Variants in CCDC178 observed in about 807,000 individuals in gnomAD.
CCDC178 encodes the protein coiled-coil domain-containing protein 178.
A neutral mutation model predicts 117.4 loss-of-function variants in CCDC178; 126 were observed. The observed-to-expected ratio is 1.07, with a 90% confidence interval of 0.93 to 1.24. The LOEUF is 1.24. CCDC178 is among the 50% of genes most tolerant of loss of function. The pLI, the probability that CCDC178 is intolerant of heterozygous loss-of-function variation, is 0.00. For missense variants in CCDC178, 1,030 were observed against 986.9 expected, an observed-to-expected ratio of 1.04 and a Z score of -0.59; for synonymous variants, 283 against 313.4, an observed-to-expected ratio of 0.90 and a Z score of 1.02.
At chr18:32,972,293 T>C (rs2054943480) in intron 22 of CCDC178, among the ~76,000 whole-genome samples, 1 of 152,138 alleles carries the variant, frequency 6.6e-6, no homozygotes, top group Non-Finnish European at 1.5e-5. Context: ...CCCCATTGCT[T>C]GTTTTTCTGA....
At chr18:33,281,298 A>C (rs969614448) in intron 12 of CCDC178, among the ~76,000 whole-genome samples, 3 of 151,984 alleles carry the variant, frequency 2.0e-5, no homozygotes, top group African/African-American at 2.4e-5. Flanking sequence ...TCCAAAATCT[A>C]TCTCTTTTAC....
At chr18:33,281,813 T>C (rs2060029209) in intron 12 of CCDC178, among the ~76,000 whole-genome samples, 1 of 152,256 alleles carries the variant, frequency 6.6e-6, no homozygotes, top group African/African-American at 2.4e-5. Flanking sequence ...AATACCATTT[T>C]GCTTAAAATG....
chr18:33,250,568 AAAC>A (rs1385894403), intron 14 of CCDC178, among the ~76,000 whole-genome samples: 2 of 151,776 alleles, frequency 1.3e-5, no homozygotes, highest in Non-Finnish European at 2.9e-5. Flanking sequence ...TAATAAAAGA[AAAC>A]AATTCAACAA....
rs527806455 is a variant in CCDC178 at position 33,214,380 on chromosome 18, G to T, written c.2078+1170C>A. Reference sequence around the variant, plus strand: ...CTTTTTCTCCTTTTCTTGTTGGAAGGCAGGGCTTTGTCAAGTTTAGAGAGA... The same window carrying T: ...CTTTTTCTCCTTTTCTTGTTGGAAGTCAGGGCTTTGTCAAGTTTAGAGAGA... On this transcript the variant is annotated intron_variant, in intron 19 of 22. Transcript: ENST00000383096. 3.3e-5 allele frequency among the ~76,000 whole-genome samples: 5 copies of T among 151,988 alleles called. No individual in the cohort carries two copies. In the South Asian group the frequency reaches 1.0e-3, roughly 32 times the overall value.
At chr18:33,219,152 G>C (rs1305144218) in intron 18 of CCDC178, among the ~76,000 whole-genome samples, 4 of 152,042 alleles carry the variant, frequency 2.6e-5, no homozygotes, top group Admixed American at 6.6e-5. Context: ...AGTTCTCCTT[G>C]AAGAGGTCCT....
chr18:33,328,083 A>ATTTTTTTTTTTTTT, intron 10 of CCDC178: 1 of 96,974 alleles, frequency 1.0e-5, no homozygotes, highest in Non-Finnish European at 1.7e-5. Flanking sequence ...TTATCCCTAG[A>ATTTTTTTTTTTTTT]TTTTTTTTTT....
intron 6 of CCDC178, among the ~76,000 whole-genome samples, chr18:33,359,359 GAAGT>G (rs1411729811): frequency 6.6e-6 from 1 of 151,666 alleles, no homozygotes; most frequent in Non-Finnish European, 1.5e-5. Context: ...ACTTTGTTTA[GAAGT>G]AAGTAACAAA....
At chr18:33,291,238 A>G (rs936292913) in intron 12 of CCDC178, among the ~76,000 whole-genome samples, 5 of 152,170 alleles carry the variant, frequency 3.3e-5, no homozygotes, top group Admixed American at 2.0e-4. Flanking sequence ...TATACCTGAT[A>G]CTACATTAAA....
At chr18:32,945,405 A>G (rs983821341) in intron 22 of CCDC178, among the ~76,000 whole-genome samples, 1 of 152,220 alleles carries the variant, frequency 6.6e-6, no homozygotes, top group African/African-American at 2.4e-5. Flanking sequence ...TTTGACTAGG[A>G]AAAGAGGCTT....
intron 9 of CCDC178, among the ~76,000 whole-genome samples, chr18:33,337,020 C>T (rs2062749655): frequency 6.6e-6 from 1 of 151,996 alleles, no homozygotes; most frequent in African/African-American, 2.4e-5. Flanking sequence ...TTGATTCTAT[C>T]CATCCATGAG....
At chr18:33,434,300 C>G (rs1431490457) in intron 2 of CCDC178, among the ~76,000 whole-genome samples, 2 of 152,070 alleles carry the variant, frequency 1.3e-5, no homozygotes, top group African/African-American at 4.8e-5. Context: ...AAATAATAAG[C>G]AGCATTGGGA....
At chr18:33,409,973 C>T (rs1005889260) in intron 3 of CCDC178, among the ~76,000 whole-genome samples, 2 of 152,142 alleles carry the variant, frequency 1.3e-5, no homozygotes, top group African/African-American at 2.4e-5. Flanking sequence ...ATGTCTATAT[C>T]ACAGAAGACT....
At chr18:33,186,088 A>C (rs2144498999) in intron 20 of CCDC178, among the ~76,000 whole-genome samples, 1 of 152,184 alleles carries the variant, frequency 6.6e-6, no homozygotes, top group South Asian at 2.1e-4. Context: ...AAGTATTGTA[A>C]TATGTTCAAG....
rs752508781 is a variant in CCDC178 at position 33,384,068 on chromosome 18, C to T, written c.208+5472G>A. Among the ~76,000 whole-genome samples, 90 of 151,816 alleles carry T rather than the reference C, an allele frequency of 5.9e-4. 1 individual carries two copies. The highest frequency in any genetic ancestry group is 1.2e-3 in the Non-Finnish European group (84 of 68,000). ...CAGCACGGGAACTTCATGATGCAAA[C>T]GTAAGTATCAATAGCTGAATCGATC... On this transcript the variant is annotated intron_variant, in intron 5 of 22. Transcript: ENST00000383096.
At chr18:33,419,956 A>C (rs1275052387) in intron 2 of CCDC178, among the ~76,000 whole-genome samples, 1 of 152,060 alleles carries the variant, frequency 6.6e-6, no homozygotes, top group East Asian at 1.9e-4. Flanking sequence ...ATATACCCCA[A>C]AAAAATAAAG....
At chr18:32,966,596 G>A (rs577818440) in intron 22 of CCDC178, among the ~76,000 whole-genome samples, 48 of 151,872 alleles carry the variant, frequency 3.2e-4, no homozygotes, top group African/African-American at 1.1e-3. Context: ...CCCCAACCCA[G>A]CAACAATTTT....
chr18:33,309,939 T>TTTTA lies in CCDC178; in HGVS notation c.1022+13548_1022+13551dup, dbSNP rs138569090. 4.1e-3 allele frequency among the ~76,000 whole-genome samples: 579 copies of TTTTA among 141,236 alleles called. 2 individuals carry two copies. Among genetic ancestry groups the TTTTA allele is most frequent in the African/African-American group, 5.8e-3 (216 of 36,982 alleles). The allele number at this position is 141,236 out of a possible 152,430, so 92.7% of individuals were successfully genotyped here. ...TGTTTTTTTTTTCTTTTTTCTTTTC[T>TTTTA]TTTATTTATTTATTTATTTATTTAT... On this transcript the variant is annotated intron_variant, in intron 11 of 22. Coordinates refer to ENST00000383096, the MANE Select transcript of CCDC178 (RefSeq NM_001105528.4).
intron 21 of CCDC178, among the ~76,000 whole-genome samples, chr18:33,081,989 CAA>C (rs1388946868): frequency 6.6e-6 from 1 of 152,112 alleles, no homozygotes; most frequent in African/African-American, 2.4e-5. Context: ...AATATTTTTC[CAA>C]AGTCACTTAT....
chr18:33,245,566 A>G, intron 14 of CCDC178, 138 bp from the exon 15 acceptor site: 1 of 948,908 alleles, frequency 1.1e-6, no homozygotes, highest in South Asian at 2.8e-5. Context: ...AAACTTGAAG[A>G]CAGAACATGT....
Sources: gnomAD v4.1 joint callset for allele counts (sites outside exome capture counted in the v4.1 genomes callset) on GRCh38, gnomAD v4.1.1 for gene constraint, MANE v1.5 for transcripts, NCBI Gene and HGNC (gene_info 2026-07-23, HGNC 2026-07-21) for gene names.